The following COL4A1 variants were observed in gnomAD, a reference collection of about 807,000 sequenced individuals.
COL4A1 encodes collagen type IV alpha 1 chain, also known as collagen alpha-1(IV) chain.
COL4A1 carries 40 observed loss-of-function variants against 216.6 expected under a neutral mutation model. The ratio of observed to expected loss-of-function variants is 0.18; its 90% CI spans 0.14 to 0.24. COL4A1 has a LOEUF of 0.24. Among genes scored for constraint, COL4A1 ranks in the 10% least tolerant of loss-of-function variants. The probability of loss-of-function intolerance (pLI) is 1.00; values close to 1 mark genes in which losing one functional copy is unlikely to be tolerated. For synonymous variants in COL4A1, 839 were observed against 810.7 expected, an observed-to-expected ratio of 1.03 and a Z score of -0.59; for missense variants, 1,628 against 2,196.8, an observed-to-expected ratio of 0.74 and a Z score of 5.18.
chr13:110,203,060 A>G (rs1397258272), intron 18 of COL4A1, among the ~76,000 whole-genome samples: 3 of 152,156 alleles, frequency 2.0e-5, no homozygotes, highest in Non-Finnish European at 4.4e-5. Context: ...TAAAAATACA[A>G]AAATTAGCTG....
intron 31 of COL4A1, 126 bp downstream of exon 31, chr13:110,178,797 T>C (rs1429033346): frequency 1.3e-6 from 1 of 751,200 alleles, no homozygotes; most frequent in Non-Finnish European, 2.3e-6. Context: ...ACTCGAGTTT[T>C]ATTTTTTTCT....
chr13:110,254,453 C>T (rs572797626), intron 1 of COL4A1, among the ~76,000 whole-genome samples: 14 of 152,118 alleles, frequency 9.2e-5, no homozygotes, highest in Non-Finnish European at 1.3e-4. Context: ...CACAGCAGCG[C>T]CCATGTTCTA....
chr13:110,281,767 A>T (rs1048968919), intron 1 of COL4A1, among the ~76,000 whole-genome samples: 5 of 152,210 alleles, frequency 3.3e-5, no homozygotes, highest in African/African-American at 1.2e-4. Flanking sequence ...GCCGTTTACC[A>T]ATCTGGCAGG....
chr13:110,193,639 G>A (rs1477413460), intron 22 of COL4A1, among the ~76,000 whole-genome samples: 1 of 152,244 alleles, frequency 6.6e-6, no homozygotes, highest in Non-Finnish European at 1.5e-5. Context: ...GCGTGGCCAT[G>A]TTCTTCCCAT....
At chr13:110,156,863 T>C (rs181260545) in intron 49 of COL4A1, among the ~76,000 whole-genome samples, 1 of 152,246 alleles carries the variant, frequency 6.6e-6, no homozygotes, top group Non-Finnish European at 1.5e-5. Flanking sequence ...TCCATGGACT[T>C]GTGTGTGTGT....
Position 110,187,216 on chromosome 13 carries a change from T to G in COL4A1, c.1650A>C (p.Gly550=). 1 of 1,613,926 alleles carries G rather than the reference T, an allele frequency of 6.2e-7. No homozygotes were observed. Among genetic ancestry groups the G allele is most frequent in the East Asian group, 2.2e-5 (1 of 44,850 alleles). The change falls in exon 25 of 52, where the codon GGA becomes GGC. Residue 550 remains glycine, a synonymous_variant. Coordinates refer to ENST00000375820, the MANE Select transcript of COL4A1 (RefSeq NM_001845.6). The part of the protein sequence containing the change: ...KGDKGDPGFP[G]QPGMPGRAGS... ...CCGCTCTCCCTGGCATGCCGGGCTGTCCTGGAAAGCCTGGGTCTCCTTTGT... is the reference window on the plus strand; with the variant it reads ...CCGCTCTCCCTGGCATGCCGGGCTGGCCTGGAAAGCCTGGGTCTCCTTTGT...
At chr13:110,252,853 A>T (rs1281850702) in intron 1 of COL4A1, among the ~76,000 whole-genome samples, 1 of 125,504 alleles carries the variant, frequency 8.0e-6, no homozygotes, top group Non-Finnish European at 1.6e-5. Flanking sequence ...AACTATAAGT[A>T]CGTATGTATT....
chr13:110,304,030 C>T (rs886291555), intron 1 of COL4A1, among the ~76,000 whole-genome samples: 6 of 152,206 alleles, frequency 3.9e-5, no homozygotes, highest in East Asian at 1.9e-4. Flanking sequence ...CCTGTGTACA[C>T]GTGACTATTA....
At chr13:110,167,075 T>C (rs902544729) in intron 44 of COL4A1, 83 bp downstream of exon 44, 1 of 1,096,500 alleles carries the variant, frequency 9.1e-7, no homozygotes. Flanking sequence ...GTGCTATCAG[T>C]GCTAAGGTGC....
In COL4A1 at chr13:110,183,288, A is replaced by G; in HGVS notation, c.1898-12T>C. 1 of 1,610,296 alleles carries G rather than the reference A, an allele frequency of 6.2e-7. No homozygotes were observed. Among genetic ancestry groups the G allele is most frequent in the Non-Finnish European group, 8.5e-7 (1 of 1,178,230 alleles). The stretch of plus-strand genomic sequence containing the variant: ...TTCACCCTTTGGACCTAGAGGAAAA[A>G]AAGAGCAAAGACAAACGATGAAGGA... On this transcript the variant is annotated splice_polypyrimidine_tract_variant and intron_variant, in intron 26 of 51. Transcript: ENST00000375820.
chr13:110,157,336 A>C (rs1876832998), intron 49 of COL4A1, among the ~76,000 whole-genome samples: 2 of 152,238 alleles, frequency 1.3e-5, no homozygotes, highest in African/African-American at 4.8e-5. Flanking sequence ...TATCGGATGA[A>C]AGCTGGAAAA....
intron 2 of COL4A1, among the ~76,000 whole-genome samples, chr13:110,227,467 AAGAGAC>A (rs1028720261): frequency 2.0e-5 from 3 of 151,388 alleles, no homozygotes; most frequent in African/African-American, 4.9e-5. Flanking sequence ...GAGAGAAACG[AAGAGAC>A]AGAGACAGAG....
At chr13:110,296,687 G>C (rs1884290361) in intron 1 of COL4A1, among the ~76,000 whole-genome samples, 1 of 152,148 alleles carries the variant, frequency 6.6e-6, no homozygotes, top group Non-Finnish European at 1.5e-5. Flanking sequence ...GACAGCATCA[G>C]CTCCCACAGA....
At chr13:110,201,006 G>C in intron 19 of COL4A1, 117 bp from the exon 20 acceptor site, 1 of 1,161,982 alleles carries the variant, frequency 8.6e-7, no homozygotes, top group Non-Finnish European at 1.3e-6. Context: ...TGGCCAAAGG[G>C]AACGTAGAAA....
At chr13:110,218,406 T>C (rs1400930159) in intron 2 of COL4A1, among the ~76,000 whole-genome samples, 1 of 152,160 alleles carries the variant, frequency 6.6e-6, no homozygotes, top group Non-Finnish European at 1.5e-5. Context: ...GCACTGAGTG[T>C]ACTGGGTATG....
rs1389196951 is a variant in COL4A1 at position 110,207,586 on chromosome 13, AT to A, written c.694-98del. 1.1e-6 allele frequency: 1 copy of A among 920,848 alleles called. No homozygotes were observed. Among genetic ancestry groups the A allele is most frequent in the Non-Finnish European group, 1.8e-6 (1 of 567,636 alleles). The allele number at this position is 920,848 out of a possible 1,614,324, so 57.0% of individuals were successfully genotyped here. ...GGTAAAAGCCTAAAATAAAACACCT[AT>A]TTTTAAAATGTAATTATACTCTATT... is the stretch of plus-strand genomic sequence containing the variant. On this transcript the variant is annotated intron_variant, in intron 12 of 51. Coordinates refer to ENST00000375820, the MANE Select transcript of COL4A1 (RefSeq NM_001845.6). This position sits in a 1 kb window ranked among gnomAD's most constrained non-coding sequence, Gnocchi z 4.4.
Sources: gnomAD v4.1 joint callset for allele counts (sites outside exome capture counted in the v4.1 genomes callset) on GRCh38, gnomAD v4.1.1 for gene constraint, Gnocchi (gnomAD v3.1) non-coding constraint, MANE v1.5 for transcripts, NCBI Gene and HGNC (gene_info 2026-07-23, HGNC 2026-07-21) for gene names.